Variants in DLG2 observed in about 807,000 individuals in gnomAD.
DLG2 encodes discs large MAGUK scaffold protein 2.
In DLG2, 45 loss-of-function variants were observed where a neutral mutation model predicts 132.5. The observed-to-expected ratio is 0.34, with a 90% confidence interval of 0.27 to 0.44. DLG2 has a LOEUF of 0.44. DLG2 is among the 20% of genes least tolerant of loss of function. The pLI, the probability that DLG2 is intolerant of heterozygous loss-of-function variation, is 1.00. For missense variants in DLG2, 1,045 were observed against 1,196.9 expected, an observed-to-expected ratio of 0.87 and a Z score of 1.87; for synonymous variants, 424 against 419.6, an observed-to-expected ratio of 1.01 and a Z score of -0.13.
At chr11:84,855,163 T>A (rs1020033455) in intron 6 of DLG2, among the ~76,000 whole-genome samples, 5 of 152,066 alleles carry the variant, frequency 3.3e-5, no homozygotes, top group African/African-American at 1.2e-4. Flanking sequence ...TTCTGCCCCA[T>A]GTTAACTGCT....
At chr11:84,373,574 GA>G (rs138565086) in intron 7 of DLG2, among the ~76,000 whole-genome samples, 9,393 of 144,396 alleles carry the variant, frequency 0.065, 405 homozygotes, top group Non-Finnish European at 0.11. Context: ...TGTCTAAAAA[GA>G]AAAAAAAAAG....
chr11:84,105,931 G>A (rs996805751), intron 9 of DLG2, among the ~76,000 whole-genome samples: 6 of 151,922 alleles, frequency 3.9e-5, no homozygotes, highest in African/African-American at 1.5e-4. Context: ...ATTTAATATA[G>A]TTTATACTAC....
At chr11:85,216,876 A>G (rs2082644601) in intron 4 of DLG2, among the ~76,000 whole-genome samples, 1 of 151,988 alleles carries the variant, frequency 6.6e-6, no homozygotes, top group East Asian at 1.9e-4. Flanking sequence ...TTGTGTTTTT[A>G]TTAGAGACGG....
chr11:84,100,883 G>C (rs2092463314), intron 9 of DLG2, among the ~76,000 whole-genome samples: 1 of 151,986 alleles, frequency 6.6e-6, no homozygotes, highest in Non-Finnish European at 1.5e-5. Context: ...ATTTCCAGAG[G>C]GTTGTTTTTA....
chr11:85,153,487 A>G (rs2077397943), intron 5 of DLG2, among the ~76,000 whole-genome samples: 1 of 152,158 alleles, frequency 6.6e-6, no homozygotes, highest in Admixed American at 6.5e-5. Flanking sequence ...TAAGCTGATT[A>G]CAATTTTCAT....
intron 6 of DLG2, among the ~76,000 whole-genome samples, chr11:84,775,868 A>G (rs775804680): frequency 1.3e-5 from 2 of 152,192 alleles, no homozygotes; most frequent in Non-Finnish European, 2.9e-5. Flanking sequence ...AAGCTTGCCC[A>G]TGTACCCGCA....
At chr11:84,469,594 T>C (rs1004434756) in intron 7 of DLG2, among the ~76,000 whole-genome samples, 4 of 151,634 alleles carry the variant, frequency 2.6e-5, no homozygotes, top group African/African-American at 9.7e-5. Flanking sequence ...TTACTATCAT[T>C]AAATATTTAT....
intron 3 of DLG2, among the ~76,000 whole-genome samples, chr11:85,341,293 T>G (rs554222607): frequency 6.6e-6 from 1 of 152,220 alleles, no homozygotes; most frequent in Non-Finnish European, 1.5e-5. Flanking sequence ...TAATTTTTTT[T>G]GTATTTTTAG....
chr11:84,116,085 G>C (rs75687645), intron 9 of DLG2, among the ~76,000 whole-genome samples: 1 of 152,198 alleles, frequency 6.6e-6, no homozygotes, highest in Non-Finnish European at 1.5e-5. Context: ...CCAAATTCGT[G>C]TGTTGGAAAC....
At chr11:83,724,727 G>A in intron 18 of DLG2, 2 of 626,082 alleles carry the variant, frequency 3.2e-6, no homozygotes, top group South Asian at 1.8e-5. Flanking sequence ...ACTAACAAAC[G>A]GCAGGGAAAG....
At chr11:84,322,610 G>A (rs74997094) in intron 7 of DLG2, among the ~76,000 whole-genome samples, 1 of 99,624 alleles carries the variant, frequency 1.0e-5, no homozygotes, top group African/African-American at 4.0e-5. Context: ...TTTTTTTTTT[G>A]AGACAGTCTT....
intron 17 of DLG2, among the ~76,000 whole-genome samples, chr11:83,794,684 G>T (rs1233603206): frequency 6.6e-6 from 1 of 152,016 alleles, no homozygotes; most frequent in East Asian, 1.9e-4. Flanking sequence ...CCTCAGGAGG[G>T]TGGGATTATT....
intron 7 of DLG2, among the ~76,000 whole-genome samples, chr11:84,253,923 C>T (rs1226991961): frequency 6.6e-6 from 1 of 152,000 alleles, no homozygotes. Flanking sequence ...TACTAGAGTA[C>T]CATACAAGAA....
At position 83,455,340 on chromosome 11, in the gene DLG2, A is replaced by C. The variant is rs1180775755; in HGVS notation, c.*4478T>G. 1 of 152,598 alleles carries C rather than the reference A, an allele frequency of 6.6e-6. No individual in the cohort carries two copies. Among genetic ancestry groups the C allele is most frequent in the Non-Finnish European group, 1.5e-5 (1 of 68,048 alleles). 9.5% of individuals were successfully genotyped at this position (152,598 alleles called of 1,614,324 possible). ...CTGTGCTACAGCTCGGTGGAGAAAC[A>C]TCCTGTCAGAGAGAAGCACAAAACT... On this transcript the variant is annotated 3_prime_UTR_variant, in exon 28 of 28. Transcript: ENST00000376104.
chr11:84,012,002 A>G (rs945148534), intron 11 of DLG2, among the ~76,000 whole-genome samples: 3 of 152,174 alleles, frequency 2.0e-5, no homozygotes, highest in Admixed American at 6.6e-5. Flanking sequence ...ATAGTTTGCT[A>G]GATGAAGATT....
intron 6 of DLG2, among the ~76,000 whole-genome samples, chr11:84,560,297 C>A (rs1356584933): frequency 6.6e-6 from 1 of 152,070 alleles, no homozygotes; most frequent in African/African-American, 2.4e-5. Context: ...GTGCTAGGCA[C>A]TATCAATTCA....
intron 7 of DLG2, among the ~76,000 whole-genome samples, chr11:84,506,076 G>GTTTTTTTTTTTTTTTTTT (rs559086542): frequency 5.0e-4 from 46 of 91,426 alleles, no homozygotes; most frequent in African/African-American, 1.7e-3. Context: ...CAGAGGCTCA[G>GTTTTTTTTTTTTTTTTTT]TTCTTTTTTT....
chr11:85,571,654 T>C (rs1370186775), intron 3 of DLG2, among the ~76,000 whole-genome samples: 1 of 152,210 alleles, frequency 6.6e-6, no homozygotes, highest in South Asian at 2.1e-4. Flanking sequence ...CCCAATTTCA[T>C]AAGAAAAAGT....
chr11:85,586,894 G>A (rs7937018), intron 3 of DLG2, among the ~76,000 whole-genome samples: 5,521 of 152,216 alleles, frequency 0.036, 154 homozygotes, highest in Admixed American at 0.052. Context: ...GACAAGCTGT[G>A]TCACTACTAT....
Sources: gnomAD v4.1 joint callset for allele counts (sites outside exome capture counted in the v4.1 genomes callset) on GRCh38, gnomAD v4.1.1 for gene constraint, MANE v1.5 for transcripts, NCBI Gene and HGNC (gene_info 2026-07-23, HGNC 2026-07-21) for gene names.